The following ANKRD26 variants were observed in gnomAD, a reference collection of about 807,000 sequenced individuals.
ANKRD26 encodes ankyrin repeat domain-containing protein 26.
A neutral mutation model predicts 208.7 loss-of-function variants in ANKRD26; 141 were observed. That is an observed-to-expected ratio of 0.68 (90% CI 0.59 to 0.78). The LOEUF (loss-of-function observed/expected upper bound fraction) is 0.78, where lower values mean the gene tolerates loss of function less well. Among genes scored for constraint, ANKRD26 ranks in the 30% least tolerant of loss-of-function variants. ANKRD26 has a pLI of 0.00. For missense variants in ANKRD26, 1,889 were observed against 1,938.7 expected (o/e 0.97, Z 0.48); for synonymous variants, 636 against 660.4 (o/e 0.96, Z 0.57).
chr10:26,977,127 A>T (rs1307857677), intron 5 of ANKRD26, among the ~76,000 whole-genome samples: 1 of 152,212 alleles, frequency 6.6e-6, no homozygotes, highest in Non-Finnish European at 1.5e-5. Context: ...AGTTAATAAT[A>T]CTTCCCATTT....
chr10:27,074,088 C>T (rs1589338523), intron 9 of ANKRD26, among the ~76,000 whole-genome samples: 1 of 145,552 alleles, frequency 6.9e-6, no homozygotes, highest in African/African-American at 2.4e-5. Context: ...TTAGAAGGAA[C>T]CAGAAAAATA....
chr10:27,099,238 G>A (rs888472123), intron 1 of ANKRD26, among the ~76,000 whole-genome samples: 4 of 152,034 alleles, frequency 2.6e-5, no homozygotes, highest in African/African-American at 9.7e-5. Context: ...ATATCCGCTT[G>A]CCTTGGTCTC....
the ANKRD26 span, among the ~76,000 whole-genome samples, chr10:26,961,334 TTAAAA>T: frequency 6.6e-5 from 10 of 152,162 alleles, no homozygotes; most frequent in African/African-American, 1.9e-4. Flanking sequence ...AAATAAAAAC[TTAAAA>T]TAGAATAAAA....
At chr10:26,971,493 G>A (rs749434394), downstream of ANKRD26, among the ~76,000 whole-genome samples, 109 of 151,698 alleles carry the variant, frequency 7.2e-4, no homozygotes, top group Non-Finnish European at 1.1e-3. Context: ...TGGCCAACAT[G>A]GTAAAACCCC....
intron 9 of ANKRD26, among the ~76,000 whole-genome samples, chr10:27,074,962 C>A (rs184736069): frequency 9.0e-4 from 137 of 152,008 alleles, no homozygotes; most frequent in African/African-American, 3.2e-3. Context: ...AAATCATCAG[C>A]CAAGAATTCT....
chr10:27,086,839 T>C (rs1018951937), intron 4 of ANKRD26, among the ~76,000 whole-genome samples: 16 of 148,018 alleles, frequency 1.1e-4, no homozygotes, highest in African/African-American at 4.0e-4. Context: ...TGGTATGATA[T>C]TGGCACACTG....
chr10:27,005,601 A>T lies in ANKRD26; in HGVS notation c.5122T>A (p.Tyr1708Asn), dbSNP rs1442847754. ...TAAAATCTTATCTTTCAGATCATAT[A>T]ATTTTTCTTTAAAACCTGTACATAT... ...REYVQVLKKN[Y>N]MI Residue 1708 changes from tyrosine to asparagine, a missense_variant, in exon 34 of 34, where the codon TAT becomes AAT. Transcript: ENST00000376087. 6.2e-7 allele frequency: 1 copy of T among 1,610,482 alleles called. No individual in the cohort carries two copies. The highest frequency in any genetic ancestry group is 2.2e-5 in the East Asian group (1 of 44,728).
chr10:27,056,452 A>G (rs570925967), intron 15 of ANKRD26, among the ~76,000 whole-genome samples: 21 of 152,058 alleles, frequency 1.4e-4, no homozygotes, highest in Non-Finnish European at 2.4e-4. Context: ...TGCTGGAATT[A>G]CAGGTGTGAC....
At chr10:26,967,329 T>C in the ANKRD26 span, among the ~76,000 whole-genome samples, 2 of 152,180 alleles carry the variant, frequency 1.3e-5, no homozygotes, top group Non-Finnish European at 2.9e-5. Flanking sequence ...TCATTTAAGG[T>C]CATTTAATTT....
downstream of ANKRD26, among the ~76,000 whole-genome samples, chr10:26,972,084 A>T (rs908006945): frequency 4.0e-5 from 6 of 151,848 alleles, no homozygotes; most frequent in South Asian, 6.2e-4. Context: ...AAATACAAAA[A>T]ATTAGCCAGG....
chr10:26,976,888 C>A (rs1449412215), intron 5 of ANKRD26, among the ~76,000 whole-genome samples: 1 of 152,118 alleles, frequency 6.6e-6, no homozygotes, highest in African/African-American at 2.4e-5. Flanking sequence ...GCCAAGGAAC[C>A]TCACACGTAA....
At chr10:26,978,599 C>T (rs1232920874) in intron 5 of ANKRD26, among the ~76,000 whole-genome samples, 1 of 152,210 alleles carries the variant, frequency 6.6e-6, no homozygotes, top group Non-Finnish European at 1.5e-5. Flanking sequence ...GGTGCATCCT[C>T]CCTCCTACTT....
At chr10:27,001,733 C>A (rs574143054), downstream of ANKRD26, among the ~76,000 whole-genome samples, 9 of 152,270 alleles carry the variant, frequency 5.9e-5, no homozygotes, top group African/African-American at 2.2e-4. Flanking sequence ...ACATCCCCAG[C>A]CCTGAGGTAG....
chr10:26,974,341 A>ATTTTTTTTTTTTT (rs5783993), exon 6 of ANKRD26, among the ~76,000 whole-genome samples: 1 of 129,306 alleles, frequency 7.7e-6, no homozygotes. Flanking sequence ...TTACTTCTGC[A>ATTTTTTTTTTTTT]TTTTTTTTTT....
intron 16 of ANKRD26, chr10:27,051,398 T>G (rs1272466698): frequency 8.3e-7 from 1 of 1,199,260 alleles, no homozygotes; most frequent in South Asian, 1.6e-5. Flanking sequence ...AAGGTCTTTT[T>G]GGATCACTAT....
chr10:27,094,993 C>T (rs1244839043), intron 1 of ANKRD26, among the ~76,000 whole-genome samples: 1 of 144,502 alleles, frequency 6.9e-6, no homozygotes, highest in Non-Finnish European at 1.5e-5. Flanking sequence ...GAGAGAGACC[C>T]TGTCTACAAA....
intron 11 of ANKRD26, among the ~76,000 whole-genome samples, chr10:27,064,532 G>A (rs1163337874): frequency 6.6e-6 from 1 of 152,106 alleles, no homozygotes; most frequent in African/African-American, 2.4e-5. Context: ...ATAGTACAGC[G>A]TTAAACATTT....
chr10:27,014,613 A>G lies in ANKRD26; in HGVS notation c.4605T>C (p.Ser1535=), dbSNP rs945420606. Residue 1535 remains serine (S), a synonymous_variant, in exon 31 of 34, where the codon TCT becomes TCC. Transcript: ENST00000376087. ...GAGAAGTTTTTATTTTGGAGAGTTC[A>G]GATTCCAGATCTTTAATTCTGAGTT... ...QMELRIKDLE[S]ELSKIKTSQE... The G allele has an allele frequency of 6.2e-6, 10 of 1,612,936 alleles. No homozygotes were observed. The highest frequency in any genetic ancestry group is 8.5e-6 in the Non-Finnish European group (10 of 1,179,472).
Position 27,022,696 on chromosome 10 carries a change from A to C in ANKRD26, c.4086-9T>G. The C allele has an allele frequency of 6.3e-7, 1 of 1,579,920 alleles. No homozygotes were observed. The highest frequency in any genetic ancestry group is 8.6e-7 in the Non-Finnish European group (1 of 1,156,148). On this transcript the variant is annotated splice_polypyrimidine_tract_variant and intron_variant, in intron 28 of 33. Coordinates refer to ENST00000376087, the MANE Select transcript of ANKRD26 (RefSeq NM_014915.3). ...TTAAGAGGTTCTTAAATCTGCAGGA[A>C]GGTACAAAATGAGTAACTCAAGTTT...
Sources: allele counts gnomAD v4.1 joint callset (sites outside exome capture counted in the v4.1 genomes callset), GRCh38; gene constraint gnomAD v4.1.1; transcripts MANE v1.5; gene names NCBI Gene and HGNC (gene_info 2026-07-23, HGNC 2026-07-21).